DNAH8: variants seen among roughly 807,000 people sequenced by gnomAD.
The protein encoded by DNAH8 is dynein axonemal heavy chain 8, also known as axonemal beta dynein heavy chain 8.
DNAH8 carries 382 observed loss-of-function variants against 562.1 expected under a neutral mutation model. The observed-to-expected ratio is 0.68, with a 90% CI of 0.63 to 0.74. The LOEUF is 0.74. DNAH8 is among the 30% of genes least tolerant of loss of function. The pLI is 0.00. For missense variants in DNAH8, 5,203 were observed against 5,620.4 expected (o/e 0.93, Z 2.37); for synonymous variants, 1,881 against 1,919.4 (o/e 0.98, Z 0.52).
rs555584524 is a variant in DNAH8 at position 38,754,435 on chromosome 6, T to C, written c.1408-1537T>C. Among the ~76,000 whole-genome samples the C allele has an allele frequency of 9.6e-4, 146 of 152,298 alleles. 1 individual carries two copies. The highest frequency in any genetic ancestry group is 3.3e-3 in the African/African-American group (138 of 41,570). The stretch of plus-strand genomic sequence containing the variant: ...GCCTAGAAGGTTAACTATAAAGTAA[T>C]GGTGTTAATTTCCATAAGCCACATA... On this transcript the variant is annotated intron_variant, in intron 9 of 92. Coordinates refer to ENST00000327475, the MANE Select transcript of DNAH8 (RefSeq NM_001206927.2).
At chr6:38,830,311 C>T (rs1036423350) in intron 30 of DNAH8, among the ~76,000 whole-genome samples, 1 of 151,932 alleles carries the variant, frequency 6.6e-6, no homozygotes, top group Non-Finnish European at 1.5e-5. Context: ...AGTTGATAAA[C>T]ATTTATACAC....
At chr6:38,863,496 C>CACA (rs372274227) in intron 44 of DNAH8, among the ~76,000 whole-genome samples, 1,705 of 151,450 alleles carry the variant, frequency 0.011, 13 homozygotes, top group Non-Finnish European at 0.015. Flanking sequence ...GGTGCTCAGA[C>CACA]ACAACAACAA....
chr6:38,858,907 C>T (rs936558176), intron 42 of DNAH8, among the ~76,000 whole-genome samples: 6 of 152,250 alleles, frequency 3.9e-5, no homozygotes, highest in African/African-American at 1.4e-4. Context: ...TCACTGGCTC[C>T]TAAAACTGAA....
Position 38,796,829 on chromosome 6 carries a change from AT to A in DNAH8, c.2901+5156del, listed in dbSNP as rs750819063. On this transcript the variant is annotated intron_variant, in intron 21 of 92. Coordinates refer to ENST00000327475, the MANE Select transcript of DNAH8 (RefSeq NM_001206927.2). ...TGAGCCCGCCGATGCTCCCAGTTGA[AT>A]AAAGCCCTTTCCCTCCACAACTCGG... Among the ~76,000 whole-genome samples the A allele has an allele frequency of 2.9e-4, 44 of 152,118 alleles. 1 individual carries two copies. The East Asian group carries it at 4.3e-3, about 15-fold the overall frequency.
intron 21 of DNAH8, among the ~76,000 whole-genome samples, chr6:38,793,542 T>C (rs1030881426): frequency 6.6e-6 from 1 of 152,216 alleles, no homozygotes; most frequent in Non-Finnish European, 1.5e-5. Context: ...TAGATTTTGT[T>C]CTTGTAAAGA....
In DNAH8 at chr6:39,007,641, A is replaced by C. The variant is rs538153311; in HGVS notation, c.13215-1173A>C. Among the ~76,000 whole-genome samples the C allele has an allele frequency of 1.5e-4, 23 of 152,250 alleles. No homozygotes were observed. In the East Asian group the frequency reaches 3.7e-3, roughly 24 times the overall value. The stretch of plus-strand genomic sequence containing the variant: ...CCTACAAGTTCCCATATAACCCTGC[A>C]TGGTCTGGCTCCTGCCTCTTCTCTG... On this transcript the variant is annotated intron_variant, in intron 88 of 92. Coordinates refer to ENST00000327475, the MANE Select transcript of DNAH8 (RefSeq NM_001206927.2).
chr6:38,960,868 G>A (rs1762563753), intron 82 of DNAH8, among the ~76,000 whole-genome samples: 1 of 151,720 alleles, frequency 6.6e-6, no homozygotes, highest in Non-Finnish European at 1.5e-5. Flanking sequence ...TATTGTAGAG[G>A]TATCTATCTG....
intron 74 of DNAH8, among the ~76,000 whole-genome samples, chr6:38,928,913 A>T (rs919846384): frequency 2.0e-5 from 3 of 152,300 alleles, no homozygotes; most frequent in Admixed American, 2.0e-4. Flanking sequence ...AAACACGAAG[A>T]CCCAACCAGG....
Position 38,863,869 on chromosome 6 carries a change from C to T in DNAH8, c.6311-4C>T, listed in dbSNP as rs756853150. ...CTTTACAAATTAACTGTTTTTCATGCCAGGTCTTGCACAGTCGGGTTCCTG... is the reference window on the plus strand; with the variant it reads ...CTTTACAAATTAACTGTTTTTCATGTCAGGTCTTGCACAGTCGGGTTCCTG... On this transcript the variant is annotated splice_region_variant and splice_polypyrimidine_tract_variant and intron_variant, in intron 44 of 92. Coordinates refer to ENST00000327475, the MANE Select transcript of DNAH8 (RefSeq NM_001206927.2). 7.0e-6 allele frequency: 11 copies of T among 1,570,226 alleles called. No homozygotes were observed. Among genetic ancestry groups the T allele is most frequent in the African/African-American group, 1.4e-5 (1 of 72,270 alleles).
intron 87 of DNAH8, among the ~76,000 whole-genome samples, chr6:38,984,936 C>T (rs1303665199): frequency 6.6e-6 from 1 of 152,228 alleles, no homozygotes; most frequent in Non-Finnish European, 1.5e-5. Context: ...TGCCCCTCCT[C>T]CATCTTCCGC....
intron 92 of DNAH8, among the ~76,000 whole-genome samples, chr6:39,027,843 A>C (rs1056153813): frequency 9.9e-5 from 15 of 152,092 alleles, no homozygotes; most frequent in Non-Finnish European, 1.9e-4. Flanking sequence ...TAAATAAATA[A>C]AATTTTAAAA....
chr6:38,887,028 T>G (rs1778981201), intron 57 of DNAH8, 24 bp downstream of exon 57: 1 of 1,489,368 alleles, frequency 6.7e-7, no homozygotes, highest in South Asian at 1.1e-5. Context: ...TAGCGTTTAT[T>G]TTATTGCATT....
In DNAH8 at chr6:38,857,712, T is replaced by C. The variant is rs753837951; in HGVS notation, c.5928T>C (p.His1976=). 6.2e-7 allele frequency: 1 copy of C among 1,612,628 alleles called. No individual in the cohort carries two copies. Among genetic ancestry groups the C allele is most frequent in the South Asian group, 1.1e-5 (1 of 90,886 alleles). ...AGTTCGAGACTCTAATTACCATCCA[T>C]GTGCATCAGAGAGATATTTTTGATG... ...RVKFETLITI[H]VHQRDIFDDL... is the part of the protein sequence containing the mutation. Residue 1976 remains histidine (H), a synonymous_variant, in exon 42 of 93, where the codon CAT becomes CAC. Coordinates refer to ENST00000327475, the MANE Select transcript of DNAH8 (RefSeq NM_001206927.2).
chr6:38,796,734 C>A (rs1583029179), intron 21 of DNAH8, among the ~76,000 whole-genome samples: 1 of 152,072 alleles, frequency 6.6e-6, no homozygotes, highest in Non-Finnish European at 1.5e-5. Flanking sequence ...CTCATGGGGA[C>A]CTGCTTAGAG....
chr6:38,994,372 G>A (rs1472872979), intron 88 of DNAH8, among the ~76,000 whole-genome samples: 4 of 151,890 alleles, frequency 2.6e-5, no homozygotes, highest in Non-Finnish European at 4.4e-5. Context: ...TGTTATTGTC[G>A]TTTCGTTTTA....
chr6:39,018,033 C>T (rs1322226961), intron 91 of DNAH8, among the ~76,000 whole-genome samples: 2 of 152,144 alleles, frequency 1.3e-5, no homozygotes, highest in African/African-American at 4.8e-5. Flanking sequence ...GAGAGCTACC[C>T]TTAAACATCT....
At position 38,853,137 on chromosome 6, in the gene DNAH8, A is replaced by C. The variant is rs16891137; in HGVS notation, c.5572-49A>C. The C allele has an allele frequency of 0.012, 17,644 of 1,507,894 alleles. 840 individuals are homozygous for C. The East Asian group carries it at 0.13, about 11-fold the overall frequency. 93.4% of individuals were successfully genotyped at this position (1,507,894 alleles called of 1,614,324 possible). On this transcript the variant is annotated intron_variant, in intron 40 of 92. Coordinates refer to ENST00000327475, the MANE Select transcript of DNAH8 (RefSeq NM_001206927.2). Reference sequence around the variant, plus strand: ...TTAAGTGTGCATGGAACGTCTGTAAAAATGCCAAATTATTATCAATTTATA... The same window carrying C: ...TTAAGTGTGCATGGAACGTCTGTAACAATGCCAAATTATTATCAATTTATA...
At chr6:38,755,926 A>C (rs1363479147) in intron 9 of DNAH8, 46 bp from the exon 10 acceptor site, 1 of 1,045,626 alleles carries the variant, frequency 9.6e-7, no homozygotes, top group Admixed American at 1.7e-5. Flanking sequence ...TGGTTATTAA[A>C]ACTATATGCA....
intron 59 of DNAH8, among the ~76,000 whole-genome samples, chr6:38,895,390 A>G (rs1326978746): frequency 6.6e-6 from 1 of 152,214 alleles, no homozygotes; most frequent in African/African-American, 2.4e-5. Context: ...CTTCAACAAT[A>G]CATCTTTATA....
Sources: gnomAD v4.1 joint callset for allele counts (sites outside exome capture counted in the v4.1 genomes callset) on GRCh38, gnomAD v4.1.1 for gene constraint, MANE v1.5 for transcripts, NCBI Gene and HGNC (gene_info 2026-07-23, HGNC 2026-07-21) for gene names.